The following VSTM2A variants were observed in gnomAD, a reference collection of about 807,000 sequenced individuals.
The protein encoded by VSTM2A is V-set and transmembrane domain containing 2A, also known as V-set and transmembrane domain-containing protein 2A.
Under a neutral mutation model 27.3 loss-of-function variants are expected in VSTM2A, and 13 were observed. The ratio of observed to expected loss-of-function variants is 0.48; its 90% confidence interval spans 0.31 to 0.76. The LOEUF (loss-of-function observed/expected upper bound fraction) is 0.76, where lower values mean the gene tolerates loss of function less well. VSTM2A is among the 30% of genes least tolerant of loss of function. The pLI is 0.05. For missense variants in VSTM2A, 280 were observed against 310.0 expected, an observed-to-expected ratio of 0.90 and a Z score of 0.73; for synonymous variants, 142 against 125.7, an observed-to-expected ratio of 1.13 and a Z score of -0.87.
intron 3 of VSTM2A, among the ~76,000 whole-genome samples, chr7:54,549,007 T>TTA (rs1332290585): frequency 2.7e-5 from 4 of 150,144 alleles, no homozygotes; most frequent in African/African-American, 9.7e-5. Flanking sequence ...ATAAAGATGC[T>TTA]TATATATATA....
At chr7:54,544,182 A>T (rs1301603090) in intron 1 of VSTM2A, among the ~76,000 whole-genome samples, 1 of 152,220 alleles carries the variant, frequency 6.6e-6, no homozygotes, top group South Asian at 2.1e-4. Flanking sequence ...GATAATCATG[A>T]TCTACTCTGT....
chr7:54,545,023 C>T (rs1235313360), intron 2 of VSTM2A, among the ~76,000 whole-genome samples: 1 of 152,212 alleles, frequency 6.6e-6, no homozygotes, highest in East Asian at 1.9e-4. Context: ...AACCGGGAAG[C>T]GCCTCCTCCT....
intron 4 of VSTM2A, chr7:54,553,745 C>T (rs1178467363): frequency 2.2e-6 from 3 of 1,342,342 alleles, no homozygotes; most frequent in South Asian, 1.5e-5. Flanking sequence ...GGATCTTGAC[C>T]AGGATGGAGT....
intron 4 of VSTM2A, chr7:54,553,980 T>A: frequency 6.4e-7 from 1 of 1,552,988 alleles, no homozygotes; most frequent in Non-Finnish European, 8.7e-7. Flanking sequence ...CTTCCCAACG[T>A]CACACAGAAC....
In VSTM2A at chr7:54,546,999, T is replaced by C; in HGVS notation, c.297+2T>C. 6.7e-7 allele frequency: 1 copy of C among 1,497,726 alleles called. No homozygotes were observed. Among genetic ancestry groups the C allele is most frequent in the Non-Finnish European group, 8.9e-7 (1 of 1,128,002 alleles). 92.8% of individuals were successfully genotyped at this position (1,497,726 alleles called of 1,614,324 possible). Reference sequence around the variant, plus strand: ...GACAGCGACGGGACCAAGATCAGCGTGAGTGCGGGGCGCGCCAAGGGCCGC... The same window carrying C: ...GACAGCGACGGGACCAAGATCAGCGCGAGTGCGGGGCGCGCCAAGGGCCGC... On this transcript the variant is annotated splice_donor_variant, in intron 3 of 4. Transcript: ENST00000402613. LOFTEE classifies it high-confidence loss of function.
intron 2 of VSTM2A, 50 bp downstream of exon 2, chr7:54,544,838 A>T: frequency 1.3e-6 from 2 of 1,534,854 alleles, no homozygotes; most frequent in Non-Finnish European, 1.8e-6. Flanking sequence ...CCCGGTCCTC[A>T]GGGTGTCCGG....
In VSTM2A at chr7:54,570,199, G is replaced by A. The variant is rs147697887; in HGVS notation, c.*980G>A. ...TCCTTTATACATGGTGTTTATTGAG[G>A]TTTGAGAGTCTCTTGACTGTGAAGA... is the stretch of plus-strand genomic sequence containing the variant. On this transcript the variant is annotated 3_prime_UTR_variant, in exon 5 of 5. Transcript: ENST00000402613. 241 of 152,226 alleles carry A rather than the reference G, an allele frequency of 1.6e-3. No individual in the cohort carries two copies. Among genetic ancestry groups the A allele is most frequent in the African/African-American group, 5.6e-3 (232 of 41,532 alleles). 9.4% of individuals were successfully genotyped at this position (152,226 alleles called of 1,614,324 possible).
intron 1 of VSTM2A, among the ~76,000 whole-genome samples, chr7:54,543,958 T>G (rs1165077367): frequency 6.6e-6 from 1 of 152,210 alleles, no homozygotes; most frequent in Non-Finnish European, 1.5e-5. Flanking sequence ...CTAAATAATA[T>G]TTAATCTGAA....
In VSTM2A at chr7:54,570,467, G is replaced by A. The variant is rs373708984; in HGVS notation, c.*1248G>A. 5.3e-5 allele frequency: 8 copies of A among 152,004 alleles called. No homozygotes were observed. The highest frequency in any genetic ancestry group is 2.0e-4 in the Admixed American group (3 of 15,266). The allele number at this position is 152,004 out of a possible 1,614,324, so 9.4% of individuals were successfully genotyped here. A position where few individuals can be genotyped will look rare whatever the true frequency, so the allele number is the denominator to read the frequency against. On this transcript the variant is annotated 3_prime_UTR_variant, in exon 5 of 5. Coordinates refer to ENST00000402613, the MANE Select transcript of VSTM2A (RefSeq NM_001301009.2). ...TTACCTTTGTCATTCTGTTATTTGC[G>A]CTAATTATATTTTAATGTCTCCTAA...
intron 1 of VSTM2A, among the ~76,000 whole-genome samples, chr7:54,543,098 G>A (rs1787838917): frequency 6.6e-6 from 1 of 152,104 alleles, no homozygotes; most frequent in African/African-American, 2.4e-5. Flanking sequence ...CTTTCTATCT[G>A]TGTGCATGCA....
chr7:54,551,388 G>T (rs1788187252), intron 4 of VSTM2A: 2 of 151,948 alleles, frequency 1.3e-5, no homozygotes, highest in Non-Finnish European at 2.9e-5. Flanking sequence ...CTTGGATTAG[G>T]GTTCTCTGAG....
In VSTM2A at chr7:54,562,573, T is replaced by C. The variant is rs2115911347; in HGVS notation, c.635-6558T>C. On this transcript the variant is annotated intron_variant, in intron 4 of 4. Coordinates refer to ENST00000402613, the MANE Select transcript of VSTM2A (RefSeq NM_001301009.2). ...CCTCAACTCACGAGTTATTCTTTTC[T>C]CTGCCCTTTTCAGTTAGTAGTCAAT... Among the ~76,000 whole-genome samples, 3 of 152,354 alleles carry C rather than the reference T, an allele frequency of 2.0e-5. No individual in the cohort carries two copies. In the South Asian group the frequency reaches 6.2e-4, roughly 32 times the overall value.
chr7:54,551,529 T>C (rs952282654), intron 4 of VSTM2A: 1 of 152,206 alleles, frequency 6.6e-6, no homozygotes, highest in Admixed American at 6.5e-5. Flanking sequence ...CTAATTTTTT[T>C]CTTTATAATC....
At chr7:54,545,280 G>T (rs1421536080) in intron 2 of VSTM2A, among the ~76,000 whole-genome samples, 2 of 151,706 alleles carry the variant, frequency 1.3e-5, no homozygotes, top group Non-Finnish European at 2.9e-5. Flanking sequence ...ACAGATATGT[G>T]GGGTGTCGGG....
At chr7:54,546,300 G>T (rs1787964936) in intron 2 of VSTM2A, 1 of 159,420 alleles carries the variant, frequency 6.3e-6, no homozygotes, top group Non-Finnish European at 1.4e-5. Flanking sequence ...GAAGGAGAGG[G>T]AGAAAGGAGG....
chr7:54,542,916 G>C, intron 1 of VSTM2A, 107 bp downstream of exon 1: 2 of 1,044,008 alleles, frequency 1.9e-6, no homozygotes, highest in East Asian at 4.7e-5. Context: ...GCAAGTAACA[G>C]TGGGCTTAGG....
intron 4 of VSTM2A, among the ~76,000 whole-genome samples, chr7:54,560,962 A>C (rs1372654272): frequency 1.3e-5 from 2 of 152,160 alleles, no homozygotes; most frequent in Non-Finnish European, 2.9e-5. Context: ...ACACACCCTG[A>C]GGAGCCTGTT....
chr7:54,570,942 A>G lies in VSTM2A; in HGVS notation c.*1723A>G, dbSNP rs2115972076. 6.6e-6 allele frequency: 1 copy of G among 152,316 alleles called. No individual in the cohort carries two copies. The highest frequency in any genetic ancestry group is 2.4e-5 in the African/African-American group (1 of 41,582). 9.4% of individuals were successfully genotyped at this position (152,316 alleles called of 1,614,324 possible). A position where few individuals can be genotyped will look rare whatever the true frequency, so the allele number is the denominator to read the frequency against. On this transcript the variant is annotated 3_prime_UTR_variant, in exon 5 of 5. Coordinates refer to ENST00000402613, the MANE Select transcript of VSTM2A (RefSeq NM_001301009.2). ...CAGTTATAAGCAAGTATATATTTTC[A>G]TAATATTCTTGACATTACCTGAGAA...
chr7:54,543,252 ATG>A (rs1787843495), intron 1 of VSTM2A, among the ~76,000 whole-genome samples: 1 of 152,080 alleles, frequency 6.6e-6, no homozygotes, highest in Non-Finnish European at 1.5e-5. Context: ...CTCCTTTTGT[ATG>A]TGTGTTTATC....
Sources: allele counts gnomAD v4.1 joint callset (sites outside exome capture counted in the v4.1 genomes callset), GRCh38; gene constraint gnomAD v4.1.1; transcripts MANE v1.5; gene names NCBI Gene and HGNC (gene_info 2026-07-23, HGNC 2026-07-21).